SSH1: variants seen among roughly 807,000 people sequenced by gnomAD.
SSH1 encodes protein phosphatase Slingshot homolog 1.
SSH1 carries 43 observed loss-of-function variants against 79.7 expected under a neutral mutation model. The observed-to-expected ratio is 0.54, with a 90% CI of 0.42 to 0.70. The LOEUF (loss-of-function observed/expected upper bound fraction) is 0.70. Ranked by LOEUF, SSH1 falls within the 30% of genes least tolerant of loss-of-function variation. SSH1 has a pLI of 0.00. For synonymous variants in SSH1, 599 were observed against 538.3 expected (o/e 1.11, Z -1.56); for missense variants, 1,206 against 1,358.8 (o/e 0.89, Z 1.77).
chr12:108,814,792 C>A (rs1158853120), intron 5 of SSH1, among the ~76,000 whole-genome samples: 1 of 152,146 alleles, frequency 6.6e-6, no homozygotes, highest in East Asian at 1.9e-4. Flanking sequence ...GGGAGAGGGA[C>A]CTGGGAGAAC....
chr12:108,787,929 G>GA lies in SSH1; in HGVS notation c.*58dup. 6.2e-7 allele frequency: 1 copy of GA among 1,602,088 alleles called. No individual in the cohort carries two copies. Among genetic ancestry groups the GA allele is most frequent in the South Asian group, 1.1e-5 (1 of 90,780 alleles). ...TAAGGGGTCGATCCAAATCCACAGT[G>GA]AAAGTGAGGGAGGGATCATATGAAA... is the stretch of plus-strand genomic sequence containing the variant. On this transcript the variant is annotated 3_prime_UTR_variant, in exon 15 of 15. Coordinates refer to ENST00000326495, the MANE Select transcript of SSH1 (RefSeq NM_018984.4).
intron 2 of SSH1, among the ~76,000 whole-genome samples, chr12:108,841,153 T>C (rs2038767530): frequency 6.6e-6 from 1 of 152,212 alleles, no homozygotes; most frequent in Non-Finnish European, 1.5e-5. Flanking sequence ...AGATGACGCC[T>C]CTCAAGATGG....
intron 1 of SSH1, 87 bp from the exon 2 acceptor site, chr12:108,852,765 T>C: frequency 6.2e-7 from 1 of 1,607,656 alleles, no homozygotes; most frequent in Non-Finnish European, 8.5e-7. Context: ...ACCCCGGTAC[T>C]GGAAAAAGAT....
intron 2 of SSH1, chr12:108,827,307 C>A: frequency 6.4e-7 from 1 of 1,551,052 alleles, no homozygotes; most frequent in Non-Finnish European, 8.7e-7. Context: ...AGTGGGTTGG[C>A]TGAAGGAAGA....
In SSH1 at chr12:108,788,405, G is replaced by A. The variant is rs1194000577; in HGVS notation, c.2733C>T (p.Phe911=). 6.2e-7 allele frequency: 1 copy of A among 1,609,814 alleles called. No homozygotes were observed. Among genetic ancestry groups the A allele is most frequent in the Non-Finnish European group, 8.5e-7 (1 of 1,178,470 alleles). ...AGATGGTCTTCAGAAAGTCTTTTGA[G>A]AAACTACTGGTGTGGTCCAGGCGGT... ...FFYRLDHTSS[F]SKDFLKTICY... is the part of the protein sequence containing the mutation. Residue 911 remains phenylalanine, a synonymous_variant, in exon 15 of 15, where the codon TTC becomes TTT. Transcript: ENST00000326495.
intron 4 of SSH1, 64 bp downstream of exon 4, chr12:108,818,185 A>C: frequency 1.9e-5 from 24 of 1,288,260 alleles, no homozygotes; most frequent in Non-Finnish European, 2.6e-5. Context: ...GCAACAGAGC[A>C]AGACCCTCAT....
chr12:108,844,014 A>G (rs2038838541), intron 2 of SSH1, among the ~76,000 whole-genome samples: 1 of 152,194 alleles, frequency 6.6e-6, no homozygotes, highest in African/African-American at 2.4e-5. Flanking sequence ...AAGAAAAAGG[A>G]AGACACGAAT....
rs139850915 is a variant in SSH1 at position 108,844,616 on chromosome 12, C to T, written c.110+8022G>A. Among the ~76,000 whole-genome samples, 970 of 152,266 alleles carry T rather than the reference C, an allele frequency of 6.4e-3. 4 individuals are homozygous for T. The highest frequency in any genetic ancestry group is 0.011 in the Non-Finnish European group (753 of 68,016). ...CAGAATTCTGCTAGGTGCATGCACC[C>T]GAGTGAGCCTTTCTCTTTGAATGTG... On this transcript the variant is annotated intron_variant, in intron 2 of 14. Coordinates refer to ENST00000326495, the MANE Select transcript of SSH1 (RefSeq NM_018984.4).
chr12:108,833,305 A>G (rs1205270711), intron 2 of SSH1, among the ~76,000 whole-genome samples: 1 of 152,172 alleles, frequency 6.6e-6, no homozygotes, highest in African/African-American at 2.4e-5. Context: ...CATCTGCTCT[A>G]CCAGGATCTA....
At chr12:108,816,877 G>C (rs1320109709) in intron 5 of SSH1, among the ~76,000 whole-genome samples, 161 bp downstream of exon 5, 1 of 152,298 alleles carries the variant, frequency 6.6e-6, no homozygotes, top group East Asian at 1.9e-4. Flanking sequence ...ACAGAGAGCT[G>C]AAATGGCACA....
chr12:108,782,526 G>A lies in SSH1; in HGVS notation c.*5462C>T, dbSNP rs969970706. The A allele has an allele frequency of 2.0e-5, 3 of 152,046 alleles. No individual in the cohort carries two copies. The highest frequency in any genetic ancestry group is 1.5e-5 in the Non-Finnish European group (1 of 68,004). The allele number at this position is 152,046 out of a possible 1,614,324, so 9.4% of individuals were successfully genotyped here. A position where few individuals can be genotyped will look rare whatever the true frequency, so the allele number is the denominator to read the frequency against. ...AGGAGGAACTATCATTTCTTCCTGT[G>A]GTCCTTTCTTTGGTGTAACTTGTCC... On this transcript the variant is annotated 3_prime_UTR_variant, in exon 15 of 15. Coordinates refer to ENST00000326495, the MANE Select transcript of SSH1 (RefSeq NM_018984.4).
intron 2 of SSH1, among the ~76,000 whole-genome samples, chr12:108,841,486 C>T (rs2038775002): frequency 6.6e-6 from 1 of 152,160 alleles, no homozygotes; most frequent in Non-Finnish European, 1.5e-5. Flanking sequence ...TCATTTGTCC[C>T]CATTCTAGAA....
At chr12:108,813,318 G>T (rs2037713812) in intron 5 of SSH1, among the ~76,000 whole-genome samples, 1 of 152,178 alleles carries the variant, frequency 6.6e-6, no homozygotes, top group Admixed American at 6.5e-5. Context: ...AGACCAGCCT[G>T]TTCCAAGACC....
intron 12 of SSH1, 130 bp downstream of exon 12, chr12:108,800,650 C>T: frequency 9.9e-6 from 11 of 1,115,232 alleles, no homozygotes; most frequent in Non-Finnish European, 1.5e-5. Context: ...CAGCCAACTC[C>T]TGCGTCTGGA....
chr12:108,810,499 G>A lies in SSH1; in HGVS notation c.471-741C>T, dbSNP rs938957029. On this transcript the variant is annotated intron_variant, in intron 6 of 14. Transcript: ENST00000326495. ...ATCGTACCACTGCACTCCACCCAGG[G>A]TGACAGAGTGAGACTCCGTTGAAAA... 4.6e-5 allele frequency among the ~76,000 whole-genome samples: 7 copies of A among 152,162 alleles called. No individual in the cohort carries two copies. In the East Asian group the frequency reaches 1.2e-3, roughly 25 times the overall value.
chr12:108,842,552 G>A (rs1006359562), intron 2 of SSH1, among the ~76,000 whole-genome samples: 1 of 152,228 alleles, frequency 6.6e-6, no homozygotes, highest in Admixed American at 6.5e-5. Context: ...CCGGGCTGCA[G>A]CACATGAAGG....
chr12:108,809,186 C>G (rs139859949), intron 7 of SSH1, among the ~76,000 whole-genome samples: 4 of 144,978 alleles, frequency 2.8e-5, no homozygotes, highest in African/African-American at 1.0e-4. Flanking sequence ...CGGTGGCTCA[C>G]GCCTGGAATC....
At chr12:108,837,420 G>T (rs144886575) in intron 2 of SSH1, among the ~76,000 whole-genome samples, 1 of 152,128 alleles carries the variant, frequency 6.6e-6, no homozygotes, top group South Asian at 2.1e-4. Flanking sequence ...AGGACTAGAC[G>T]GTGGGAATGC....
rs2036355308 is a variant in SSH1 at position 108,788,383 on chromosome 12, T to G, written c.2755A>C (p.Ile919Leu). ...GAAGAGGAGGTGGGGGTGTAGCAGATGGTCTTCAGAAAGTCTTTTGAGAAA... is the reference window on the plus strand; with the variant it reads ...GAAGAGGAGGTGGGGGTGTAGCAGAGGGTCTTCAGAAAGTCTTTTGAGAAA... ...SSFSKDFLKT[I>L]CYTPTSSSMS... Residue 919 changes from isoleucine to leucine, a missense_variant, in exon 15 of 15, where the codon ATC becomes CTC. Ile to Leu is a conservative substitution (Grantham distance 5). This residue lies in a region of SSH1 where 709 missense variants were observed against 730.6 expected (regional missense o/e 0.97). Transcript: ENST00000326495. 1 of 1,612,420 alleles carries G rather than the reference T, an allele frequency of 6.2e-7. No individual in the cohort carries two copies.
Sources: gnomAD v4.1 joint callset for allele counts (sites outside exome capture counted in the v4.1 genomes callset) on GRCh38, gnomAD v4.1.1 for gene constraint, gnomAD v4.1.1 regional missense constraint, MANE v1.5 for transcripts, NCBI Gene and HGNC (gene_info 2026-07-23, HGNC 2026-07-21) for gene names.